Variants in CNTNAP2 observed in about 807,000 individuals in gnomAD.
The protein encoded by CNTNAP2 is contactin-associated protein-like 2.
Under a neutral mutation model 155.2 loss-of-function variants are expected in CNTNAP2, and 98 were observed. That is an observed-to-expected ratio of 0.63 (90% confidence interval 0.54 to 0.75). CNTNAP2 has a LOEUF of 0.75. Ranked by LOEUF, CNTNAP2 falls within the 30% of genes least tolerant of loss-of-function variation. CNTNAP2 has a pLI of 0.00. For synonymous variants in CNTNAP2, 651 were observed against 631.2 expected (o/e 1.03, Z -0.47); for missense variants, 1,727 against 1,688.1 (o/e 1.02, Z -0.40).
At chr7:146,622,689 G>A (rs2129156814) in intron 1 of CNTNAP2, among the ~76,000 whole-genome samples, 1 of 152,204 alleles carries the variant, frequency 6.6e-6, no homozygotes, top group East Asian at 1.9e-4. Flanking sequence ...GGGCGCAGTG[G>A]CTCATGCCTG....
intron 3 of CNTNAP2, among the ~76,000 whole-genome samples, chr7:146,956,428 T>C (rs1797437788): frequency 6.6e-6 from 1 of 152,178 alleles, no homozygotes; most frequent in African/African-American, 2.4e-5. Flanking sequence ...TCTGAGCATG[T>C]CCTGTAGGTC....
chr7:148,370,985 G>A lies in CNTNAP2; in HGVS notation c.3476-12664G>A, dbSNP rs74978459. Among the ~76,000 whole-genome samples the A allele has an allele frequency of 6.9e-3, 1,050 of 152,064 alleles. 5 individuals carry two copies. Among genetic ancestry groups the A allele is most frequent in the Middle Eastern group, 0.02 (6 of 294 alleles). ...TGGTGCCATCCTCAAAACACACCCC[G>A]GTTTATTATTGCTTTCCTGCTCAAG... On this transcript the variant is annotated intron_variant, in intron 21 of 23. Coordinates refer to ENST00000361727, the MANE Select transcript of CNTNAP2 (RefSeq NM_014141.6).
At chr7:147,273,661 C>A (rs1487615654) in intron 8 of CNTNAP2, among the ~76,000 whole-genome samples, 1 of 151,142 alleles carries the variant, frequency 6.6e-6, no homozygotes, top group Non-Finnish European at 1.5e-5. Context: ...GCCTCCAGCT[C>A]AATCCATGTT....
chr7:146,622,243 A>ATATCTATCTATCTATCTATC (rs71165020), intron 1 of CNTNAP2, among the ~76,000 whole-genome samples: 101 of 144,404 alleles, frequency 7.0e-4, no homozygotes, highest in East Asian at 3.3e-3. Context: ...ATGTGTGTGT[A>ATATCTATCTATCTATCTATC]TATCTATCTA....
chr7:146,307,824 T>G (rs1333266978), intron 1 of CNTNAP2, among the ~76,000 whole-genome samples: 1 of 152,112 alleles, frequency 6.6e-6, no homozygotes, highest in Non-Finnish European at 1.5e-5. Context: ...TATACAGAAA[T>G]TAATTCAAGA....
In CNTNAP2 at chr7:146,451,717, A is replaced by C. The variant is rs1207867491; in HGVS notation, c.98-322554A>C. Among the ~76,000 whole-genome samples the C allele has an allele frequency of 7.2e-5, 11 of 151,950 alleles. No individual in the cohort carries two copies. In the East Asian group the frequency reaches 2.1e-3, roughly 29 times the overall value. Reference sequence around the variant, plus strand: ...CTGGACAAGTTTTCAAACAGTCTTCAAGACTCAGCTTAAATATCATTTTGA... The same window carrying C: ...CTGGACAAGTTTTCAAACAGTCTTCCAGACTCAGCTTAAATATCATTTTGA... On this transcript the variant is annotated intron_variant, in intron 1 of 23. Coordinates refer to ENST00000361727, the MANE Select transcript of CNTNAP2 (RefSeq NM_014141.6).
chr7:148,161,309 G>A (rs566784400), intron 17 of CNTNAP2, among the ~76,000 whole-genome samples: 1 of 152,288 alleles, frequency 6.6e-6, no homozygotes, highest in South Asian at 2.1e-4. Context: ...CGCAGTGCTT[G>A]CTGTCCTCAG....
At chr7:147,758,928 C>T (rs570754625) in intron 13 of CNTNAP2, among the ~76,000 whole-genome samples, 1 of 152,132 alleles carries the variant, frequency 6.6e-6, no homozygotes, top group Non-Finnish European at 1.5e-5. Context: ...TTCTGAAGAA[C>T]AATGCTATTC....
chr7:148,231,505 T>C (rs1407834962), intron 20 of CNTNAP2, among the ~76,000 whole-genome samples: 1 of 152,206 alleles, frequency 6.6e-6, no homozygotes, highest in Non-Finnish European at 1.5e-5. Flanking sequence ...GAATTAAAAC[T>C]GTGGACTAGA....
Position 146,300,534 on chromosome 7 carries a change from G to A in CNTNAP2, c.97+183561G>A, listed in dbSNP as rs189318981. On this transcript the variant is annotated intron_variant, in intron 1 of 23. Coordinates refer to ENST00000361727, the MANE Select transcript of CNTNAP2 (RefSeq NM_014141.6). ...CAGCCAGACTTAAGGGTACCATATT[G>A]TATAAAAATGTTATATTTTCCATAT... 2.5e-3 allele frequency among the ~76,000 whole-genome samples: 378 copies of A among 152,162 alleles called. 2 individuals are homozygous for A. Among genetic ancestry groups the A allele is most frequent in the Admixed American group, 4.1e-3 (63 of 15,278 alleles).
intron 1 of CNTNAP2, among the ~76,000 whole-genome samples, chr7:146,177,220 G>A (rs1798482390): frequency 6.6e-6 from 1 of 152,192 alleles, no homozygotes; most frequent in Non-Finnish European, 1.5e-5. Context: ...GGGCAGCGGG[G>A]CCTCCCAAAG....
chr7:147,179,777 T>G (rs1412945992), intron 8 of CNTNAP2, among the ~76,000 whole-genome samples: 1 of 152,118 alleles, frequency 6.6e-6, no homozygotes. Context: ...CCAGTGGTTT[T>G]GGGAAAGAGG....
intron 13 of CNTNAP2, among the ~76,000 whole-genome samples, chr7:147,788,907 T>TTC (rs1260774876): frequency 8.1e-6 from 1 of 123,276 alleles, no homozygotes; most frequent in Non-Finnish European, 1.8e-5. Flanking sequence ...TTTCTTTTTT[T>TTC]TTTTTTTTTT....
At chr7:147,079,039 C>T (rs940837991) in intron 4 of CNTNAP2, among the ~76,000 whole-genome samples, 1 of 152,196 alleles carries the variant, frequency 6.6e-6, no homozygotes, top group Non-Finnish European at 1.5e-5. Context: ...GTGTGAGCCA[C>T]TGGCCTGGCC....
chr7:147,603,347 T>C (rs1246610609), intron 12 of CNTNAP2, among the ~76,000 whole-genome samples: 1 of 152,204 alleles, frequency 6.6e-6, no homozygotes, highest in East Asian at 1.9e-4. Flanking sequence ...GTTTTTTTCT[T>C]GTAAATTTGT....
chr7:148,367,145 C>T (rs1042934374), intron 21 of CNTNAP2, among the ~76,000 whole-genome samples: 2 of 151,716 alleles, frequency 1.3e-5, no homozygotes, highest in Non-Finnish European at 2.9e-5. Flanking sequence ...GCAGGAGAAT[C>T]GATTGAACCT....
intron 15 of CNTNAP2, among the ~76,000 whole-genome samples, chr7:148,076,173 G>A (rs1387619473): frequency 6.6e-6 from 1 of 152,170 alleles, no homozygotes; most frequent in Non-Finnish European, 1.5e-5. Context: ...ATTCAAGGGT[G>A]GCAAATACTG....
Position 146,492,241 on chromosome 7 carries a change from G to A in CNTNAP2, c.98-282030G>A, listed in dbSNP as rs1340033362. Among the ~76,000 whole-genome samples the A allele has an allele frequency of 8.4e-5, 12 of 143,436 alleles. No individual in the cohort carries two copies. The East Asian group carries it at 2.2e-3, about 26-fold the overall frequency. 94.1% of individuals were successfully genotyped at this position (143,436 alleles called of 152,430 possible). On this transcript the variant is annotated intron_variant, in intron 1 of 23. Transcript: ENST00000361727. ...AGGGGGGCAGGAGGAGAGAGAGGGG[G>A]AGAGAGAGAGAGAGAGACAGAGAGA...
At chr7:147,498,018 T>C (rs182967136) in intron 11 of CNTNAP2, among the ~76,000 whole-genome samples, 58 of 152,260 alleles carry the variant, frequency 3.8e-4, no homozygotes, top group Non-Finnish European at 2.9e-5. Context: ...AGCATAGCAG[T>C]TCCAGGAGAG....
Sources: allele counts gnomAD v4.1 joint callset (sites outside exome capture counted in the v4.1 genomes callset), GRCh38; gene constraint gnomAD v4.1.1; transcripts MANE v1.5; gene names NCBI Gene and HGNC (gene_info 2026-07-23, HGNC 2026-07-21).